ANK3: variants seen among roughly 807,000 people sequenced by gnomAD.
The protein encoded by ANK3 is ankyrin 3.
A neutral mutation model predicts 370.9 loss-of-function variants in ANK3; 57 were observed. That is an observed-to-expected ratio of 0.15 (90% CI 0.12 to 0.19). The LOEUF is 0.19. ANK3 is among the 10% of genes least tolerant of loss of function. The probability of loss-of-function intolerance (pLI) is 1.00; values close to 1 mark genes in which losing one functional copy is unlikely to be tolerated. For synonymous variants in ANK3, 1,929 were observed against 1,946.3 expected (o/e 0.99, Z 0.23); for missense variants, 4,439 against 5,302.1 (o/e 0.84, Z 5.06).
intron 2 of ANK3, among the ~76,000 whole-genome samples, chr10:60,482,423 A>C (rs2075246411): frequency 6.6e-6 from 1 of 152,214 alleles, no homozygotes; most frequent in South Asian, 2.1e-4. Flanking sequence ...TTTTAAAATA[A>C]AATCTCCTTC....
At chr10:60,591,734 T>A (rs1478679240) in intron 2 of ANK3, among the ~76,000 whole-genome samples, 1 of 152,200 alleles carries the variant, frequency 6.6e-6, no homozygotes, top group African/African-American at 2.4e-5. Context: ...AATGGAGTAC[T>A]ATTCTGCCAT....
chr10:60,270,633 C>T (rs2097959347), intron 4 of ANK3, among the ~76,000 whole-genome samples: 1 of 152,096 alleles, frequency 6.6e-6, no homozygotes. Context: ...CTGTAGCTCC[C>T]AAGCATCAAT....
At chr10:60,472,029 T>G (rs2065232062) in intron 2 of ANK3, among the ~76,000 whole-genome samples, 3 of 152,152 alleles carry the variant, frequency 2.0e-5, no homozygotes, top group Admixed American at 1.3e-4. Flanking sequence ...GGAAATTTAA[T>G]AGAAAAAGTT....
chr10:60,269,130 T>TA (rs769653353), intron 5 of ANK3, among the ~76,000 whole-genome samples: 8 of 152,158 alleles, frequency 5.3e-5, no homozygotes, highest in Non-Finnish European at 1.0e-4. Flanking sequence ...TTGTTAGAAA[T>TA]AAAAAATACT....
rs181736574 is a variant in ANK3 at position 60,040,478 on chromosome 10, T to C, written c.*19+2194A>G. 6.0e-4 allele frequency among the ~76,000 whole-genome samples: 91 copies of C among 152,336 alleles called. No homozygotes were observed. The East Asian group carries it at 0.016, about 27-fold the overall frequency. ...AGTAAAATTAGGCTTGTCAAGTCAC[T>C]GTTCTTTCAATCTGACACATTGTTT... On this transcript the variant is annotated intron_variant, in intron 43 of 43. Coordinates refer to ENST00000280772, the MANE Select transcript of ANK3 (RefSeq NM_020987.5).
In ANK3 at chr10:60,074,170, G is replaced by A; in HGVS notation, c.6711C>T (p.Gly2237=). The change falls in exon 37 of 44, where the codon GGC becomes GGT. Residue 2237 remains glycine, a synonymous_variant. Coordinates refer to ENST00000280772, the MANE Select transcript of ANK3 (RefSeq NM_020987.5). ...TGTGAGTCTCTTCTTTAACACGCAT[G>A]CCTTTGCTTAAAACCCGATTGTGGT... ...EDDHNRVLSK[G]MRVKEETHIT... is the part of the protein sequence containing the mutation. 6.2e-7 allele frequency: 1 copy of A among 1,614,060 alleles called. No homozygotes were observed. Among genetic ancestry groups the A allele is most frequent in the South Asian group, 1.1e-5 (1 of 91,066 alleles).
At chr10:60,202,522 G>C (rs957907007) in intron 12 of ANK3, among the ~76,000 whole-genome samples, 5 of 152,224 alleles carry the variant, frequency 3.3e-5, no homozygotes, top group African/African-American at 9.6e-5. Flanking sequence ...ACTAGAGACC[G>C]AGTGTATCTT....
Position 60,028,394 on chromosome 10 carries a change from GCA to G in ANK3, c.*1450_*1451del, listed in dbSNP as rs1399652683. 6.6e-6 allele frequency: 1 copy of G among 152,624 alleles called. No homozygotes were observed. Among genetic ancestry groups the G allele is most frequent in the Non-Finnish European group, 1.5e-5 (1 of 68,044 alleles). The allele number at this position is 152,624 out of a possible 1,614,324, so 9.5% of individuals were successfully genotyped here. A position where few individuals can be genotyped will look rare whatever the true frequency, so the allele number is the denominator to read the frequency against. ...CCAGAAAACACAAGGAGACTGTAGAGCACAGATAGGTGAAGAGTTTAACACAA... is the reference window on the plus strand; with the variant it reads ...CCAGAAAACACAAGGAGACTGTAGAGCAGATAGGTGAAGAGTTTAACACAA... On this transcript the variant is annotated 3_prime_UTR_variant, in exon 44 of 44. Transcript: ENST00000280772.
chr10:60,078,355 T>C (rs749298863), intron 36 of ANK3, among the ~76,000 whole-genome samples: 12 of 152,198 alleles, frequency 7.9e-5, no homozygotes, highest in Non-Finnish European at 1.6e-4. Flanking sequence ...CTTCTTGCCA[T>C]AATTCTCAAT....
chr10:60,181,581 G>A (rs1404096302), intron 17 of ANK3, among the ~76,000 whole-genome samples, 154 bp from the exon 18 acceptor site: 2 of 152,130 alleles, frequency 1.3e-5, no homozygotes, highest in Non-Finnish European at 2.9e-5. Flanking sequence ...TTGGGAGGCT[G>A]AGGCAGGTGG....
At chr10:60,350,439 T>C (rs1327277833) in intron 1 of ANK3, among the ~76,000 whole-genome samples, 2 of 152,142 alleles carry the variant, frequency 1.3e-5, no homozygotes, top group Non-Finnish European at 2.9e-5. Context: ...TTCTAACTCT[T>C]GTGATGTTAC....
chr10:60,498,854 T>C lies in ANK3; in HGVS notation c.96+116332A>G, dbSNP rs117428427. On this transcript the variant is annotated intron_variant, in intron 2 of 43. Coordinates refer to the ANK3 transcript ENST00000373827. ...ATTGTAAGGTGGCCATCAGGCATAT[T>C]TGTAAAACAATCAATATACCTATGT... Among the ~76,000 whole-genome samples, 92 of 152,336 alleles carry C rather than the reference T, an allele frequency of 6.0e-4. 1 individual carries two copies. The East Asian group carries it at 0.016, about 27-fold the overall frequency.
At chr10:60,453,747 C>A (rs1014331532) in intron 2 of ANK3, among the ~76,000 whole-genome samples, 3 of 150,968 alleles carry the variant, frequency 2.0e-5, no homozygotes, top group African/African-American at 4.9e-5. Context: ...CACAGACAGA[C>A]ACACACACAC....
chr10:60,565,444 A>C (rs555002333), intron 2 of ANK3, among the ~76,000 whole-genome samples: 28 of 152,300 alleles, frequency 1.8e-4, no homozygotes, highest in Non-Finnish European at 3.4e-4. Flanking sequence ...ATATCAGTCC[A>C]CGTCACAGGG....
chr10:60,698,841 A>G (rs960414105), intron 1 of ANK3, among the ~76,000 whole-genome samples: 10 of 151,380 alleles, frequency 6.6e-5, no homozygotes, highest in Admixed American at 5.3e-4. Flanking sequence ...AGCATGGCAC[A>G]TGTATACATA....
chr10:60,299,998 T>G (rs1286060953), intron 1 of ANK3, among the ~76,000 whole-genome samples: 2 of 152,214 alleles, frequency 1.3e-5, no homozygotes, highest in Non-Finnish European at 2.9e-5. Context: ...CTTTTTACGC[T>G]CTTGGATTTA....
intron 23 of ANK3, chr10:60,139,317 A>C (rs2094471606): frequency 2.1e-6 from 1 of 485,454 alleles, no homozygotes; most frequent in South Asian, 4.0e-5. Context: ...CTGGTATTAA[A>C]TACAAATCTG....
At chr10:60,138,922 G>C (rs1032868338) in intron 24 of ANK3, 42 bp downstream of exon 24, 4 of 1,603,668 alleles carry the variant, frequency 2.5e-6, no homozygotes, top group East Asian at 4.5e-5. Context: ...ACAAATCATG[G>C]TTGTTTTAAA....
intron 2 of ANK3, among the ~76,000 whole-genome samples, chr10:60,436,524 TTG>T (rs2064162467): frequency 6.6e-6 from 1 of 152,216 alleles, no homozygotes; most frequent in Non-Finnish European, 1.5e-5. Flanking sequence ...TGATATCTCA[TTG>T]TAGTTTTGTT....
Sources: allele counts gnomAD v4.1 joint callset (sites outside exome capture counted in the v4.1 genomes callset), GRCh38; gene constraint gnomAD v4.1.1; transcripts MANE v1.5; gene names NCBI Gene and HGNC (gene_info 2026-07-23, HGNC 2026-07-21).